The following CNTN4 variants were observed in gnomAD, a reference collection of about 807,000 sequenced individuals.
CNTN4 encodes the protein contactin 4.
A neutral mutation model predicts 122.5 loss-of-function variants in CNTN4; 77 were observed. The ratio of observed to expected loss-of-function variants is 0.63; its 90% CI spans 0.52 to 0.76. The LOEUF is 0.76. Among genes scored for constraint, CNTN4 ranks in the 30% least tolerant of loss-of-function variants. The pLI, the probability that CNTN4 is intolerant of heterozygous loss-of-function variation, is 0.00. For synonymous variants in CNTN4, 512 were observed against 447.0 expected, an observed-to-expected ratio of 1.15 and a Z score of -1.83; for missense variants, 1,256 against 1,259.1, an observed-to-expected ratio of 1.00 and a Z score of 0.04.
At position 2,268,503 on chromosome 3, in the gene CNTN4, A is replaced by ATG. The variant is rs1462651976; in HGVS notation, c.-144-70674_-144-70673insGT. Among the ~76,000 whole-genome samples the ATG allele has an allele frequency of 4.4e-3, 667 of 152,210 alleles. 9 individuals carry two copies. The highest frequency in any genetic ancestry group is 0.015 in the African/African-American group (641 of 41,544). ...AGCAGGAATTTGATTCTTTTATTAT[A>ATG]TTAATAGTATCTGTTACATAATATT... On this transcript the variant is annotated intron_variant, in intron 2 of 24. Coordinates refer to ENST00000418658, the MANE Select transcript of CNTN4 (RefSeq NM_175607.3).
intron 7 of CNTN4, among the ~76,000 whole-genome samples, chr3:2,832,034 G>A (rs1193510902): frequency 6.6e-6 from 1 of 152,130 alleles, no homozygotes; most frequent in African/African-American, 2.4e-5. Flanking sequence ...TCTAACATTA[G>A]TACCCAAATA....
intron 24 of CNTN4, 38 bp from the exon 25 acceptor site, chr3:3,056,082 A>T: frequency 6.5e-7 from 1 of 1,533,198 alleles, no homozygotes; most frequent in Non-Finnish European, 9.0e-7. Context: ...TGAAGCCGGG[A>T]TGGGGCTGTT....
At chr3:2,950,221 C>T (rs1033150109) in intron 13 of CNTN4, among the ~76,000 whole-genome samples, 1 of 152,206 alleles carries the variant, frequency 6.6e-6, no homozygotes, top group African/African-American at 2.4e-5. Flanking sequence ...CTGTGTATTC[C>T]CACAGGCATG....
In CNTN4 at chr3:2,866,687, T is replaced by C. The variant is rs946549840; in HGVS notation, c.455-65T>C. The C allele has an allele frequency of 9.6e-6, 14 of 1,452,480 alleles. No individual in the cohort carries two copies. In the East Asian group the frequency reaches 3.2e-4, roughly 33 times the overall value. 90.0% of individuals were successfully genotyped at this position (1,452,480 alleles called of 1,614,324 possible). On this transcript the variant is annotated intron_variant, in intron 7 of 24. Coordinates refer to ENST00000418658, the MANE Select transcript of CNTN4 (RefSeq NM_175607.3). ...TACATTTTTAACCTGATCATTTCTT[T>C]CATGAAAACAGTAGAGTTCCAGTGC...
At chr3:2,314,787 C>T (rs1469578267) in intron 2 of CNTN4, among the ~76,000 whole-genome samples, 5 of 151,798 alleles carry the variant, frequency 3.3e-5, no homozygotes, top group South Asian at 2.1e-4. Flanking sequence ...AAAAAAATTG[C>T]GATATCTCTA....
intron 12 of CNTN4, among the ~76,000 whole-genome samples, chr3:2,904,175 A>T (rs1207586782): frequency 1.3e-5 from 2 of 152,354 alleles, no homozygotes; most frequent in East Asian, 3.9e-4. Flanking sequence ...AGAGGCTTTC[A>T]GTAGTCATTC....
intron 3 of CNTN4, chr3:2,362,617 C>T (rs540261798): frequency 2.3e-5 from 11 of 483,214 alleles, no homozygotes; most frequent in South Asian, 1.8e-4. Flanking sequence ...AAGAAGATAG[C>T]AAGGGCTGAG....
intron 13 of CNTN4, among the ~76,000 whole-genome samples, chr3:2,955,538 G>A (rs763855526): frequency 2.0e-5 from 3 of 152,278 alleles, no homozygotes; most frequent in East Asian, 1.9e-4. Context: ...TCATTTTCCA[G>A]AAAGTCCCAG....
At chr3:2,983,082 C>T (rs922350758) in intron 13 of CNTN4, among the ~76,000 whole-genome samples, 10 of 151,194 alleles carry the variant, frequency 6.6e-5, no homozygotes, top group Admixed American at 2.6e-4. Context: ...GGCATGGTGG[C>T]GGGTGCCTGT....
intron 6 of CNTN4, among the ~76,000 whole-genome samples, chr3:2,782,011 C>T (rs1175883758): frequency 1.3e-5 from 2 of 151,788 alleles, no homozygotes; most frequent in Admixed American, 6.6e-5. Flanking sequence ...GCATGAGCCA[C>T]CGGTAAATTT....
At chr3:2,658,860 T>G (rs1283052909) in intron 4 of CNTN4, among the ~76,000 whole-genome samples, 2 of 151,998 alleles carry the variant, frequency 1.3e-5, no homozygotes, top group Admixed American at 1.3e-4. Flanking sequence ...TTCAAGGTTC[T>G]AGGTCCAGAA....
chr3:2,797,325 A>G (rs62234182), intron 6 of CNTN4, among the ~76,000 whole-genome samples: 8,097 of 149,242 alleles, frequency 0.054, 257 homozygotes, highest in Non-Finnish European at 0.071. Context: ...TACACTGGGA[A>G]TGGTGGCTTA....
At chr3:2,479,370 A>G (rs1038341573) in intron 3 of CNTN4, among the ~76,000 whole-genome samples, 43 of 152,326 alleles carry the variant, frequency 2.8e-4, no homozygotes, top group Non-Finnish European at 5.1e-4. Context: ...TCAAGGCATA[A>G]GTCTAAGCCC....
rs149625822 is a variant in CNTN4 at position 2,887,273 on chromosome 3, G to A, written c.940+49G>A. 3.2e-6 allele frequency: 5 copies of A among 1,549,548 alleles called. No homozygotes were observed. In the African/African-American group the frequency reaches 6.8e-5, roughly 21 times the overall value. ...CATTTATAGTGCTACAGAACTTCCT[G>A]ATATTGAAATCATAAGCTGAGAGGC... On this transcript the variant is annotated intron_variant, in intron 10 of 24. Transcript: ENST00000418658.
chr3:2,198,702 G>A (rs1202889606), intron 2 of CNTN4, among the ~76,000 whole-genome samples: 3 of 152,068 alleles, frequency 2.0e-5, no homozygotes, highest in Non-Finnish European at 4.4e-5. Flanking sequence ...ATATACTCGA[G>A]ACTTAATCTG....
intron 5 of CNTN4, among the ~76,000 whole-genome samples, chr3:2,743,240 T>C (rs2149535610): frequency 6.6e-6 from 1 of 152,174 alleles, no homozygotes; most frequent in South Asian, 2.1e-4. Flanking sequence ...GAAGTAAGAG[T>C]TATGGTCAAG....
At chr3:2,721,194 A>T (rs1228500441) in intron 4 of CNTN4, among the ~76,000 whole-genome samples, 1 of 151,978 alleles carries the variant, frequency 6.6e-6, no homozygotes. Context: ...CTGGTCTCCA[A>T]CTCCTGACCT....
chr3:2,735,408 G>T (rs577104991), intron 4 of CNTN4, among the ~76,000 whole-genome samples: 1 of 152,316 alleles, frequency 6.6e-6, no homozygotes, highest in Non-Finnish European at 1.5e-5. Context: ...CTTTGTTACT[G>T]CTCCGTGACA....
At chr3:2,336,307 T>G (rs530030818) in intron 2 of CNTN4, among the ~76,000 whole-genome samples, 2 of 152,254 alleles carry the variant, frequency 1.3e-5, no homozygotes, top group East Asian at 3.9e-4. Flanking sequence ...CTGTTTCTTT[T>G]CTCCTAGTAA....
Sources: allele counts gnomAD v4.1 joint callset (sites outside exome capture counted in the v4.1 genomes callset), GRCh38; gene constraint gnomAD v4.1.1; transcripts MANE v1.5; gene names NCBI Gene and HGNC (gene_info 2026-07-23, HGNC 2026-07-21).